DLGAP1: variants seen among roughly 807,000 people sequenced by gnomAD.
DLGAP1 encodes disks large-associated protein 1.
Under a neutral mutation model 90.8 loss-of-function variants are expected in DLGAP1, and 11 were observed. That is an observed-to-expected ratio of 0.12 (90% CI 0.08 to 0.20). DLGAP1 has a LOEUF of 0.20. Ranked by LOEUF, DLGAP1 falls within the 10% of genes least tolerant of loss-of-function variation. DLGAP1 has a pLI of 1.00. For missense variants in DLGAP1, 1,050 were observed against 1,333.8 expected, an observed-to-expected ratio of 0.79 and a Z score of 3.31; for synonymous variants, 558 against 540.7, an observed-to-expected ratio of 1.03 and a Z score of -0.44.
At chr18:4,035,022 G>C (rs906987709) in intron 2 of DLGAP1, among the ~76,000 whole-genome samples, 1 of 152,086 alleles carries the variant, frequency 6.6e-6, no homozygotes, top group Non-Finnish European at 1.5e-5. Context: ...CTTTTTTATG[G>C]CTGCATAGTA....
intron 4 of DLGAP1, among the ~76,000 whole-genome samples, chr18:3,852,457 G>A (rs1429048201): frequency 6.6e-6 from 1 of 152,100 alleles, no homozygotes; most frequent in East Asian, 1.9e-4. Context: ...AAGACTCAAG[G>A]AAAAAGGCAG....
chr18:3,946,238 C>A (rs2148956770), intron 3 of DLGAP1, among the ~76,000 whole-genome samples: 1 of 152,114 alleles, frequency 6.6e-6, no homozygotes, highest in Admixed American at 6.5e-5. Flanking sequence ...CTAAGGATGG[C>A]AGGGCAACTG....
chr18:3,729,644 A>G lies in DLGAP1; in HGVS notation c.1351-269T>C, dbSNP rs2062344329. On this transcript the variant is annotated intron_variant, in intron 6 of 12. Transcript: ENST00000315677. The surrounding 1 kb of genome is among the most constrained non-coding windows in gnomAD (Gnocchi z 6.2). ...GGCTGGTCTCGAACTCCTGACCTCA[A>G]GTGATCCACCCGCCTGGGCCTCCCA... Among the ~76,000 whole-genome samples, 1 of 152,100 alleles carries G rather than the reference A, an allele frequency of 6.6e-6. No homozygotes were observed. Among genetic ancestry groups the G allele is most frequent in the Admixed American group, 6.6e-5 (1 of 15,266 alleles).
chr18:4,166,255 A>G (rs1206867539), intron 1 of DLGAP1, among the ~76,000 whole-genome samples: 4 of 152,228 alleles, frequency 2.6e-5, no homozygotes, highest in African/African-American at 9.6e-5. Context: ...CAAATGACCA[A>G]TAGCACATGA....
intron 7 of DLGAP1, among the ~76,000 whole-genome samples, chr18:3,694,039 C>G (rs111862157): frequency 1.7e-4 from 25 of 147,600 alleles, no homozygotes; most frequent in Non-Finnish European, 2.7e-4. Context: ...TAGCCACCCC[C>G]CCCTCAGCCC....
intron 1 of DLGAP1, among the ~76,000 whole-genome samples, chr18:4,370,514 T>C: frequency 6.6e-6 from 1 of 152,202 alleles, no homozygotes; most frequent in East Asian, 1.9e-4. Flanking sequence ...CCCCTAGTCC[T>C]CAGTCTGTTT....
chr18:3,582,041 G>A lies in DLGAP1; in HGVS notation c.1799C>T (p.Thr600Ile). The change falls in exon 8 of 13, where the codon ACA (threonine) becomes ATA (isoleucine). Residue 600 changes from threonine to isoleucine, a missense_variant. Coordinates refer to ENST00000315677, the MANE Select transcript of DLGAP1 (RefSeq NM_004746.4). Reference sequence around the variant, plus strand: ...GGCGTTTGCAGCTTCGATGGCGGCTGTCAGAGCCTTCATACTGTCCAGGCT... The same window carrying A: ...GGCGTTTGCAGCTTCGATGGCGGCTATCAGAGCCTTCATACTGTCCAGGCT... ...TESLDSMKALTAAIEAANAQI... is the reference protein window; with the variant it reads ...TESLDSMKALIAAIEAANAQI... 1 of 1,613,570 alleles carries A rather than the reference G, an allele frequency of 6.2e-7. No individual in the cohort carries two copies. Among genetic ancestry groups the A allele is most frequent in the Non-Finnish European group, 8.5e-7 (1 of 1,179,944 alleles).
intron 7 of DLGAP1, among the ~76,000 whole-genome samples, chr18:3,582,550 G>A (rs960009612): frequency 2.0e-5 from 3 of 152,096 alleles, no homozygotes; most frequent in Non-Finnish European, 2.9e-5. Context: ...GCCCTCTGTC[G>A]AAACCTTCCC....
intron 1 of DLGAP1, among the ~76,000 whole-genome samples, chr18:4,451,817 A>G (rs928309168): frequency 1.3e-5 from 2 of 152,204 alleles, no homozygotes; most frequent in Non-Finnish European, 2.9e-5. Flanking sequence ...CAATGCTAGC[A>G]AAGTATCTTT....
At chr18:3,958,363 T>C (rs1244377897) in intron 3 of DLGAP1, among the ~76,000 whole-genome samples, 2 of 149,696 alleles carry the variant, frequency 1.3e-5, no homozygotes, top group Non-Finnish European at 3.0e-5. Flanking sequence ...TATGTATGCA[T>C]GATAAGGAGG....
chr18:3,749,925 A>G (rs1034427528), intron 5 of DLGAP1, among the ~76,000 whole-genome samples: 10 of 152,094 alleles, frequency 6.6e-5, no homozygotes, highest in Admixed American at 6.5e-4. Context: ...TCTTGTTTCT[A>G]CTTCCTATAT....
intron 7 of DLGAP1, chr18:3,680,082 G>A (rs1042743380): frequency 6.6e-6 from 1 of 152,078 alleles, no homozygotes; most frequent in East Asian, 1.9e-4. Context: ...CTTCACCAGG[G>A]GTCTTGGTCG....
intron 1 of DLGAP1, among the ~76,000 whole-genome samples, chr18:4,344,383 C>T (rs1247686209): frequency 6.6e-6 from 1 of 152,078 alleles, no homozygotes; most frequent in African/African-American, 2.4e-5. Flanking sequence ...AAAATATCAA[C>T]TACTTTCAGA....
intron 5 of DLGAP1, among the ~76,000 whole-genome samples, chr18:3,766,204 C>T (rs2064235378): frequency 1.3e-5 from 2 of 152,008 alleles, no homozygotes; most frequent in Admixed American, 1.3e-4. Flanking sequence ...AGATAAAGTA[C>T]ACTACAAAGT....
chr18:4,275,920 A>G (rs547827695), intron 1 of DLGAP1, among the ~76,000 whole-genome samples: 3 of 152,172 alleles, frequency 2.0e-5, no homozygotes, highest in Non-Finnish European at 4.4e-5. Context: ...CCTTTGCTCA[A>G]ATATCAGAAA....
Position 4,306,462 on chromosome 18 carries a change from T to TGAGA in DLGAP1, c.-267+148540_-267+148543dup, listed in dbSNP as rs1228381727. On this transcript the variant is annotated intron_variant, in intron 1 of 12. Transcript: ENST00000315677. The stretch of plus-strand genomic sequence containing the variant: ...GTGTGTGTGTGTGTGTGTGTGTGTG[T>TGAGA]GAGAGAGAGAGAGACAGACAGAGAA... Among the ~76,000 whole-genome samples the TGAGA allele has an allele frequency of 4.3e-3, 225 of 52,162 alleles. 1 individual carries two copies. Among genetic ancestry groups the TGAGA allele is most frequent in the African/African-American group, 0.011 (214 of 18,838 alleles). The allele number at this position is 52,162 out of a possible 152,430, so 34.2% of individuals were successfully genotyped here. A position where few individuals can be genotyped will look rare whatever the true frequency, so the allele number is the denominator to read the frequency against.
In DLGAP1 at chr18:3,937,846, G is replaced by A. The variant is rs376022895; in HGVS notation, c.-72-57706C>T. Reference sequence around the variant, plus strand: ...GCGTGAGGGCTTTGGAGCAGACTGCGTTCATTCCAATCTGGCTATGATGTT... The same window carrying A: ...GCGTGAGGGCTTTGGAGCAGACTGCATTCATTCCAATCTGGCTATGATGTT... On this transcript the variant is annotated intron_variant, in intron 3 of 12. Coordinates refer to ENST00000315677, the MANE Select transcript of DLGAP1 (RefSeq NM_004746.4). 4.4e-4 allele frequency among the ~76,000 whole-genome samples: 67 copies of A among 152,258 alleles called. 1 individual carries two copies. In the South Asian group the frequency reaches 9.7e-3, roughly 22 times the overall value.
chr18:3,524,923 G>C (rs1469893798), intron 10 of DLGAP1, among the ~76,000 whole-genome samples: 1 of 152,168 alleles, frequency 6.6e-6, no homozygotes, highest in Non-Finnish European at 1.5e-5. Context: ...AGAAAACGTG[G>C]ATCTGTTTCA....
rs1344078408 is a variant in DLGAP1, at chr18:3,737,522, CCACATGATT to C, written c.1350+4804_1350+4812del. Among the ~76,000 whole-genome samples the C allele has an allele frequency of 4.1e-3, 620 of 150,528 alleles. 7 individuals are homozygous for C. Among genetic ancestry groups the C allele is most frequent in the African/African-American group, 0.015 (599 of 40,800 alleles). The stretch of plus-strand genomic sequence containing the variant: ...ATATAAACAGAGCCAAAGACAAAAA[CCACATGATT>C]ATCTCAATAGATGCAGAAAAGGCCT... On this transcript the variant is annotated intron_variant, in intron 6 of 12. Transcript: ENST00000315677.
Sources: allele counts gnomAD v4.1 joint callset (sites outside exome capture counted in the v4.1 genomes callset), GRCh38; gene constraint gnomAD v4.1.1; non-coding constraint Gnocchi (gnomAD v3.1); transcripts MANE v1.5; gene names NCBI Gene and HGNC (gene_info 2026-07-23, HGNC 2026-07-21).